The following CDC45 variants were observed in gnomAD, a reference collection of about 807,000 sequenced individuals.
CDC45 encodes the protein cell division cycle 45.
CDC45 carries 54 observed loss-of-function variants against 77.8 expected under a neutral mutation model. That is an observed-to-expected ratio of 0.69 (90% CI 0.56 to 0.87). The LOEUF (loss-of-function observed/expected upper bound fraction) is 0.87. Ranked by LOEUF, CDC45 falls within the 40% of genes least tolerant of loss-of-function variation. The pLI is 0.00. For missense variants in CDC45, 649 were observed against 721.6 expected, an observed-to-expected ratio of 0.90 and a Z score of 1.15; for synonymous variants, 260 against 272.1, an observed-to-expected ratio of 0.96 and a Z score of 0.44.
At chr22:19,500,395 A>G in intron 9 of CDC45, among the ~76,000 whole-genome samples, 1 of 152,142 alleles carries the variant, frequency 6.6e-6, no homozygotes, top group East Asian at 1.9e-4. Flanking sequence ...CATCAGCATC[A>G]GTCACTAGGT....
At position 19,505,296 on chromosome 22, in the gene CDC45, T is replaced by C. The variant is rs1237422097; in HGVS notation, c.705-66T>C. 4.4e-6 allele frequency: 7 copies of C among 1,608,632 alleles called. No individual in the cohort carries two copies. In the South Asian group the frequency reaches 6.6e-5, roughly 15 times the overall value. On this transcript the variant is annotated intron_variant, in intron 9 of 18. Transcript: ENST00000263201. ...GAAGGCCTTGAGCGGGAATGGAGCC[T>C]AGGCTTAGGCTGCCTGGTAAGAGCT...
At chr22:19,483,476 C>A (rs2090016867) in intron 4 of CDC45, among the ~76,000 whole-genome samples, 1 of 152,118 alleles carries the variant, frequency 6.6e-6, no homozygotes, top group African/African-American at 2.4e-5. Context: ...TGCTTTCAGA[C>A]AGGAGTTTTA....
intron 15 of CDC45, 172 bp from the exon 16 acceptor site, chr22:19,516,355 T>C: frequency 1.5e-6 from 1 of 660,074 alleles, no homozygotes; most frequent in Non-Finnish European, 2.7e-6. Context: ...AGTTAGACAC[T>C]GGCCTTGGGC....
At chr22:19,491,458 G>T (rs944333496) in intron 5 of CDC45, among the ~76,000 whole-genome samples, 14 of 150,958 alleles carry the variant, frequency 9.3e-5, no homozygotes, top group Non-Finnish European at 8.8e-5. Context: ...TTCCTAAAAG[G>T]TACTTTTACT....
chr22:19,503,183 C>T (rs996740855), intron 9 of CDC45, among the ~76,000 whole-genome samples: 12 of 151,900 alleles, frequency 7.9e-5, no homozygotes, highest in Admixed American at 6.6e-4. Flanking sequence ...AGAAAGCAGG[C>T]AGAAACTTTC....
At chr22:19,500,130 T>C (rs1046356144) in intron 9 of CDC45, among the ~76,000 whole-genome samples, 19 of 152,178 alleles carry the variant, frequency 1.2e-4, no homozygotes, top group African/African-American at 4.6e-4. Context: ...GCACAGATAA[T>C]GTAGGGGCTA....
At chr22:19,519,224 G>A (rs1396448000) in intron 18 of CDC45, among the ~76,000 whole-genome samples, 3 of 152,232 alleles carry the variant, frequency 2.0e-5, no homozygotes, top group Non-Finnish European at 4.4e-5. Context: ...CAGACTCCCT[G>A]GTGCTGCCCT....
At chr22:19,491,954 C>T (rs2090159936) in intron 5 of CDC45, among the ~76,000 whole-genome samples, 1 of 152,012 alleles carries the variant, frequency 6.6e-6, no homozygotes, top group South Asian at 2.1e-4. Flanking sequence ...TAGACATGTG[C>T]CACCATGCCT....
intron 5 of CDC45, among the ~76,000 whole-genome samples, chr22:19,485,102 G>A (rs139143676): frequency 1.0e-3 from 158 of 152,004 alleles, no homozygotes; most frequent in African/African-American, 3.7e-3. Context: ...GGTTTGTGAG[G>A]GGTCCTTTTT....
At chr22:19,505,549 C>A in intron 10 of CDC45, 68 bp downstream of exon 10, 1 of 1,578,780 alleles carries the variant, frequency 6.3e-7, no homozygotes, top group Non-Finnish European at 8.7e-7. Context: ...TTTGCTTTGT[C>A]ACCCTCTGTG....
rs1311866731 is a variant in CDC45, at chr22:19,499,133, T to C, written c.686T>C (p.Val229Ala). 1 of 1,614,142 alleles carries C rather than the reference T, an allele frequency of 6.2e-7. No homozygotes were observed. The highest frequency in any genetic ancestry group is 1.1e-5 in the South Asian group (1 of 91,086). ...ATCGTTGGACTAACAGACCAGTGGG[T>C]GCAAGACAAGATCACTCAGTAAGGA... is the stretch of plus-strand genomic sequence containing the variant. ...WAIVGLTDQWVQDKITQMKYV... is the reference protein window; with the variant it reads ...WAIVGLTDQWAQDKITQMKYV... Residue 229 changes from valine (V) to alanine (A), a missense_variant, in exon 9 of 19, where the codon GTG becomes GCG. By Grantham distance (64) the Val-to-Ala change is moderately conservative. Coordinates refer to ENST00000263201, the MANE Select transcript of CDC45 (RefSeq NM_003504.5).
rs1189184915 is a variant in CDC45 at position 19,482,714 on chromosome 22, T to C, written c.229T>C (p.Cys77Arg). ...EQFHYFILIN[C>R]GANVDLLDIL... is the part of the protein sequence containing the mutation. ...GTTTCATTATTTTATTCTCATAAAC[T>C]GTGGAGCTAATGTAGACCTATTGGA... The change falls in exon 4 of 19, where the codon TGT becomes CGT. Residue 77 changes from cysteine to arginine, a missense_variant. Coordinates refer to ENST00000263201, the MANE Select transcript of CDC45 (RefSeq NM_003504.5). The C allele has an allele frequency of 6.2e-7, 1 of 1,613,230 alleles. No individual in the cohort carries two copies. The highest frequency in any genetic ancestry group is 1.1e-5 in the South Asian group (1 of 91,072).
intron 3 of CDC45, among the ~76,000 whole-genome samples, chr22:19,482,353 C>T (rs768065138): frequency 2.4e-4 from 36 of 152,354 alleles, no homozygotes; most frequent in East Asian, 3.9e-4. Flanking sequence ...TGGAGAGGCA[C>T]GCAGCATAGT....
intron 3 of CDC45, 58 bp downstream of exon 3, chr22:19,481,103 A>C (rs1447225113): frequency 9.4e-7 from 1 of 1,069,168 alleles, no homozygotes; most frequent in Non-Finnish European, 1.5e-6. Context: ...ATTTCTTGAC[A>C]CAGCATTCTA....
intron 13 of CDC45, among the ~76,000 whole-genome samples, chr22:19,514,541 T>C (rs1933675332): frequency 1.3e-5 from 2 of 152,174 alleles, no homozygotes; most frequent in African/African-American, 4.8e-5. Context: ...TTGCACCCGC[T>C]CCACCTCTCA....
Position 19,511,619 on chromosome 22 carries a change from C to T in CDC45, c.1217+2928C>T, listed in dbSNP as rs570362656. Among the ~76,000 whole-genome samples the T allele has an allele frequency of 4.6e-5, 7 of 152,216 alleles. No individual in the cohort carries two copies. The South Asian group carries it at 6.2e-4, about 14-fold the overall frequency. The stretch of plus-strand genomic sequence containing the variant: ...CACTGGGATTATAGGTATGAACCAC[C>T]GTGCCCAGCCTAAAACTTTTATATA... On this transcript the variant is annotated intron_variant, in intron 13 of 18. Transcript: ENST00000263201.
At position 19,515,113 on chromosome 22, in the gene CDC45, G is replaced by A. The variant is rs1933711793; in HGVS notation, c.1440+65G>A. 3 of 1,444,310 alleles carry A rather than the reference G, an allele frequency of 2.1e-6. No individual in the cohort carries two copies. In the Admixed American group the frequency reaches 6.8e-5, roughly 33 times the overall value. 89.5% of individuals were successfully genotyped at this position (1,444,310 alleles called of 1,614,324 possible). On this transcript the variant is annotated intron_variant, in intron 15 of 18. Coordinates refer to ENST00000263201, the MANE Select transcript of CDC45 (RefSeq NM_003504.5). ...GTGCTTGGAGAGCTCCCTGGATGGG[G>A]AGTTAGATGCTGGCCTTGGGGTGCC...
chr22:19,486,803 A>G (rs937966754), intron 5 of CDC45, among the ~76,000 whole-genome samples: 6 of 152,034 alleles, frequency 3.9e-5, no homozygotes, highest in Non-Finnish European at 5.9e-5. Context: ...CAGACTCCCA[A>G]GTAGCTGGGA....
At position 19,514,898 on chromosome 22, in the gene CDC45, C is replaced by A. The variant is rs1256612991; in HGVS notation, c.1356+11C>A. ...TGCTCTCTCATGGAGGTCAGGCTTC[C>A]CACAGAGCACAGGCGCCTGGTCACA... On this transcript the variant is annotated intron_variant, in intron 14 of 18. Coordinates refer to ENST00000263201, the MANE Select transcript of CDC45 (RefSeq NM_003504.5). The A allele has an allele frequency of 1.9e-6, 3 of 1,614,234 alleles. No homozygotes were observed. Among genetic ancestry groups the A allele is most frequent in the Middle Eastern group, 1.6e-4 (1 of 6,062 alleles).
Sources: gnomAD v4.1 joint callset for allele counts (sites outside exome capture counted in the v4.1 genomes callset) on GRCh38, gnomAD v4.1.1 for gene constraint, MANE v1.5 for transcripts, NCBI Gene and HGNC (gene_info 2026-07-23, HGNC 2026-07-21) for gene names.